AP3B1: variants seen among roughly 807,000 people sequenced by gnomAD.
AP3B1 encodes the protein adaptor related protein complex 3 subunit beta 1, also known as AP-3 complex subunit beta-1.
Under a neutral mutation model 132.5 loss-of-function variants are expected in AP3B1, and 61 were observed. The ratio of observed to expected loss-of-function variants is 0.46; its 90% confidence interval spans 0.37 to 0.57. The LOEUF (loss-of-function observed/expected upper bound fraction) is 0.57. Ranked by LOEUF, AP3B1 falls within the 20% of genes least tolerant of loss-of-function variation. The pLI is 0.00. For synonymous variants in AP3B1, 388 were observed against 438.3 expected (o/e 0.89, Z 1.43); for missense variants, 1,120 against 1,289.4 (o/e 0.87, Z 2.01).
intron 22 of AP3B1, among the ~76,000 whole-genome samples, chr5:78,074,981 T>C (rs550236096): frequency 2.0e-5 from 3 of 152,312 alleles, no homozygotes; most frequent in African/African-American, 4.8e-5. Flanking sequence ...CTTTATCATA[T>C]AATTTTTTGA....
At chr5:78,177,093 A>G (rs1744175305) in intron 9 of AP3B1, among the ~76,000 whole-genome samples, 1 of 152,176 alleles carries the variant, frequency 6.6e-6, no homozygotes, top group Non-Finnish European at 1.5e-5. Flanking sequence ...GTGACACTCT[A>G]GTGTTATGCC....
chr5:78,038,491 T>C (rs1456035318), intron 23 of AP3B1, among the ~76,000 whole-genome samples: 1 of 152,206 alleles, frequency 6.6e-6, no homozygotes, highest in African/African-American at 2.4e-5. Flanking sequence ...CATAATGTTT[T>C]AAGAAACTTT....
In AP3B1 at chr5:78,193,770, ATT is replaced by A. The variant is rs35190275; in HGVS notation, c.787-12110_787-12109del. Among the ~76,000 whole-genome samples, 91 of 67,218 alleles carry A rather than the reference ATT, an allele frequency of 1.4e-3. 2 individuals carry two copies. The highest frequency in any genetic ancestry group is 1.7e-3 in the Non-Finnish European group (52 of 31,136). The allele number at this position is 67,218 out of a possible 152,430, so 44.1% of individuals were successfully genotyped here. A position where few individuals can be genotyped will look rare whatever the true frequency, so the allele number is the denominator to read the frequency against. ...TATATATATATATATATATATATAT[ATT>A]TTTTTTTTAGACAGAGTCTCGCTCT... On this transcript the variant is annotated intron_variant, in intron 7 of 26. Transcript: ENST00000255194.
chr5:78,223,442 C>T (rs926053598), intron 6 of AP3B1, among the ~76,000 whole-genome samples: 10 of 152,012 alleles, frequency 6.6e-5, no homozygotes, highest in Non-Finnish European at 2.9e-5. Flanking sequence ...GTGAGGGAGA[C>T]ATTAAAAACG....
intron 1 of AP3B1, 83 bp downstream of exon 1, chr5:78,294,369 T>A (rs867048221): frequency 1.4e-5 from 23 of 1,603,336 alleles, no homozygotes; most frequent in Middle Eastern, 2.1e-4. Context: ...CCCGCTCCTC[T>A]CCAGGAAGCC....
chr5:78,048,249 T>C (rs560117705), intron 22 of AP3B1, among the ~76,000 whole-genome samples: 1 of 152,370 alleles, frequency 6.6e-6, no homozygotes, highest in South Asian at 2.1e-4. Flanking sequence ...GTAAGTCCAA[T>C]GACAATGCAG....
chr5:78,147,178 G>C (rs1753440746), intron 14 of AP3B1, among the ~76,000 whole-genome samples: 1 of 151,564 alleles, frequency 6.6e-6, no homozygotes. Context: ...TATTTATTTG[G>C]TTGCCATATT....
At chr5:78,052,385 C>G (rs1748621412) in intron 22 of AP3B1, among the ~76,000 whole-genome samples, 1 of 152,126 alleles carries the variant, frequency 6.6e-6, no homozygotes, top group Non-Finnish European at 1.5e-5. Flanking sequence ...CAAATCTGGT[C>G]CACTGTCTAT....
At chr5:78,249,183 C>T (rs1747518476) in intron 2 of AP3B1, among the ~76,000 whole-genome samples, 1 of 151,432 alleles carries the variant, frequency 6.6e-6, no homozygotes, top group African/African-American at 2.4e-5. Context: ...GGTGAAACCC[C>T]ATCTCTATTA....
chr5:78,022,110 G>T (rs1416332651), intron 24 of AP3B1, among the ~76,000 whole-genome samples: 2 of 152,150 alleles, frequency 1.3e-5, no homozygotes, highest in Non-Finnish European at 2.9e-5. Flanking sequence ...TTGTATTCTT[G>T]TAAGTGGCCT....
chr5:78,158,961 T>C (rs1743276513), intron 13 of AP3B1, among the ~76,000 whole-genome samples: 1 of 152,238 alleles, frequency 6.6e-6, no homozygotes, highest in Non-Finnish European at 1.5e-5. Flanking sequence ...GCCTCCCAAA[T>C]GCTGGGACTA....
intron 1 of AP3B1, among the ~76,000 whole-genome samples, chr5:78,273,691 T>A (rs1418615409): frequency 6.6e-6 from 1 of 152,130 alleles, no homozygotes; most frequent in African/African-American, 2.4e-5. Context: ...AAGTCTGTCC[T>A]CAGAAGAGAG....
chr5:78,206,005 T>C (rs1011961145), intron 7 of AP3B1, among the ~76,000 whole-genome samples: 1 of 152,160 alleles, frequency 6.6e-6, no homozygotes, highest in African/African-American at 2.4e-5. Flanking sequence ...TTAACTAACA[T>C]TTTTTAACAG....
chr5:78,001,615 G>A (rs544793709), downstream of AP3B1: 28 of 152,138 alleles, frequency 1.8e-4, no homozygotes, highest in African/African-American at 6.5e-4. Context: ...ATAATTTTTC[G>A]ACTCTGTTTT....
intron 3 of AP3B1, among the ~76,000 whole-genome samples, chr5:78,236,546 G>A (rs190342570): frequency 3.7e-4 from 57 of 152,356 alleles, no homozygotes; most frequent in Admixed American, 1.6e-3. Context: ...CACACTGGCT[G>A]TGTGACCTTG....
intron 22 of AP3B1, among the ~76,000 whole-genome samples, chr5:78,071,462 T>A (rs1415097444): frequency 6.6e-6 from 1 of 152,106 alleles, no homozygotes; most frequent in Non-Finnish European, 1.5e-5. Flanking sequence ...ATGCTGGGCT[T>A]AATACCTAGG....
In AP3B1 at chr5:78,240,651, T is replaced by G. The variant is rs10067314; in HGVS notation, c.279+211A>C. On this transcript the variant is annotated intron_variant, in intron 3 of 26. Transcript: ENST00000255194. ...CATCATTCACTCAGGGGAATCAATC[T>G]GTTTTGCTTTTCATATTTTCTACCA... Among the ~76,000 whole-genome samples, 41,120 of 152,108 alleles carry G rather than the reference T, an allele frequency of 0.27. 5,789 individuals carry two copies. The highest frequency in any genetic ancestry group is 0.33 in the Middle Eastern group (96 of 294).
At chr5:78,185,489 T>A (rs1744567110) in intron 7 of AP3B1, among the ~76,000 whole-genome samples, 1 of 152,146 alleles carries the variant, frequency 6.6e-6, no homozygotes, top group South Asian at 2.1e-4. Context: ...CCCCTTGAAG[T>A]GTAACATGAG....
At chr5:78,051,004 G>C (rs1047595769) in intron 22 of AP3B1, among the ~76,000 whole-genome samples, 15 of 152,208 alleles carry the variant, frequency 9.9e-5, no homozygotes, top group Middle Eastern at 3.4e-3. Context: ...AGTCGTTTGT[G>C]TACCTTTAGA....
Sources: gnomAD v4.1 joint callset for allele counts (sites outside exome capture counted in the v4.1 genomes callset) on GRCh38, gnomAD v4.1.1 for gene constraint, MANE v1.5 for transcripts, NCBI Gene and HGNC (gene_info 2026-07-23, HGNC 2026-07-21) for gene names.